EPHB1: variants seen among roughly 807,000 people sequenced by gnomAD.
EPHB1 encodes the protein EPH receptor B1.
Under a neutral mutation model 94.4 loss-of-function variants are expected in EPHB1, and 30 were observed. That is an observed-to-expected ratio of 0.32 (90% CI 0.24 to 0.43). EPHB1 has a LOEUF of 0.43. Among genes scored for constraint, EPHB1 ranks in the 20% least tolerant of loss-of-function variants. The pLI is 1.00. For missense variants in EPHB1, 1,055 were observed against 1,308.3 expected (o/e 0.81, Z 2.99); for synonymous variants, 522 against 489.1 (o/e 1.07, Z -0.89).
intron 3 of EPHB1, among the ~76,000 whole-genome samples, chr3:134,992,573 C>G (rs1015560285): frequency 6.6e-6 from 1 of 152,198 alleles, no homozygotes; most frequent in Non-Finnish European, 1.5e-5. Flanking sequence ...ACAAGGTGAT[C>G]CCTGCACAGC....
intron 9 of EPHB1, among the ~76,000 whole-genome samples, chr3:135,178,043 C>T (rs977059859): frequency 3.9e-5 from 6 of 152,270 alleles, no homozygotes; most frequent in African/African-American, 1.2e-4. Context: ...CCTCCCAAAG[C>T]TTTCAAGGAG....
At chr3:134,858,301 C>T (rs1422358199) in intron 1 of EPHB1, among the ~76,000 whole-genome samples, 2 of 152,078 alleles carry the variant, frequency 1.3e-5, no homozygotes, top group African/African-American at 4.8e-5. Flanking sequence ...CATTTTTTCC[C>T]CTGTGTGGTA....
intron 5 of EPHB1, among the ~76,000 whole-genome samples, chr3:135,133,615 A>G (rs944649161): frequency 6.6e-6 from 1 of 152,236 alleles, no homozygotes; most frequent in Non-Finnish European, 1.5e-5. Flanking sequence ...GTAGTTCAAA[A>G]GTGTATTCTC....
At chr3:135,106,690 C>T (rs1939232899) in intron 4 of EPHB1, 87 bp downstream of exon 4, 5 of 1,527,520 alleles carry the variant, frequency 3.3e-6, no homozygotes, top group Non-Finnish European at 4.5e-6. Context: ...GAGAAGACAT[C>T]ATCCTTTGAT....
chr3:135,225,268 C>G (rs1943366664), intron 12 of EPHB1, among the ~76,000 whole-genome samples: 1 of 152,178 alleles, frequency 6.6e-6, no homozygotes, highest in Admixed American at 6.5e-5. Flanking sequence ...TCTCCCAATC[C>G]TTGGGAGATA....
chr3:135,226,428 C>A (rs1943403293), intron 12 of EPHB1, among the ~76,000 whole-genome samples: 1 of 152,178 alleles, frequency 6.6e-6, no homozygotes, highest in Non-Finnish European at 1.5e-5. Context: ...ACAGACATGC[C>A]CCTGGAGATC....
chr3:135,124,081 A>T (rs1940096056), intron 4 of EPHB1, among the ~76,000 whole-genome samples: 1 of 151,454 alleles, frequency 6.6e-6, no homozygotes, highest in Admixed American at 6.6e-5. Flanking sequence ...CTTTATTATG[A>T]CCCCTCTACT....
intron 1 of EPHB1, among the ~76,000 whole-genome samples, chr3:134,833,976 C>A (rs1281593348): frequency 6.6e-6 from 1 of 152,060 alleles, no homozygotes; most frequent in Non-Finnish European, 1.5e-5. Context: ...GGCAGGGGAA[C>A]CACTAAAGGG....
At chr3:134,855,479 G>T (rs865968714) in intron 1 of EPHB1, among the ~76,000 whole-genome samples, 1 of 152,170 alleles carries the variant, frequency 6.6e-6, no homozygotes, top group East Asian at 1.9e-4. Flanking sequence ...TGTAGACAGA[G>T]CCTTGGGGTA....
Position 134,996,255 on chromosome 3 carries a change from G to A in EPHB1, c.805+44203G>A, listed in dbSNP as rs567321753. Among the ~76,000 whole-genome samples the A allele has an allele frequency of 8.5e-5, 13 of 152,230 alleles. No individual in the cohort carries two copies. In the East Asian group the frequency reaches 2.1e-3, roughly 25 times the overall value. The stretch of plus-strand genomic sequence containing the variant: ...GCCACCCAGGTGGGAGTGCAGTGGT[G>A]CAATCATGGCTCACTGCAGCCTCAT... On this transcript the variant is annotated intron_variant, in intron 3 of 15. Coordinates refer to ENST00000398015, the MANE Select transcript of EPHB1 (RefSeq NM_004441.5).
intron 1 of EPHB1, among the ~76,000 whole-genome samples, chr3:134,906,725 T>C (rs2038339512): frequency 1.3e-5 from 2 of 152,220 alleles, no homozygotes; most frequent in South Asian, 2.1e-4. Context: ...ATCATAACAC[T>C]TATCAGAGCA....
At position 134,816,014 on chromosome 3, in the gene EPHB1, C is replaced by T. The variant is rs561198759; in HGVS notation, c.58+20325C>T. Among the ~76,000 whole-genome samples the T allele has an allele frequency of 2.2e-4, 34 of 152,292 alleles. No homozygotes were observed. In the South Asian group the frequency reaches 3.9e-3, roughly 18 times the overall value. Reference sequence around the variant, plus strand: ...ACCAAAGGTAAATGCTGGGGCCACACGCCGTGTCCTCTGCACGTTGTCCTT... The same window carrying T: ...ACCAAAGGTAAATGCTGGGGCCACATGCCGTGTCCTCTGCACGTTGTCCTT... On this transcript the variant is annotated intron_variant, in intron 1 of 15. Coordinates refer to ENST00000398015, the MANE Select transcript of EPHB1 (RefSeq NM_004441.5).
intron 1 of EPHB1, among the ~76,000 whole-genome samples, chr3:134,830,780 GC>G (rs2036568021): frequency 1.3e-5 from 2 of 152,156 alleles, no homozygotes; most frequent in Admixed American, 6.5e-5. Context: ...ATGCAACCTT[GC>G]CCTCCCAGCT....
At chr3:135,075,139 T>C (rs1937864580) in intron 3 of EPHB1, among the ~76,000 whole-genome samples, 1 of 152,172 alleles carries the variant, frequency 6.6e-6, no homozygotes, top group African/African-American at 2.4e-5. Context: ...TATGAGCCTT[T>C]AAGCAGGTTG....
In EPHB1 at chr3:135,188,213, A is replaced by C. The variant is rs1388875449; in HGVS notation, c.1883-4363A>C. Among the ~76,000 whole-genome samples, 3 of 149,784 alleles carry C rather than the reference A, an allele frequency of 2.0e-5. No individual in the cohort carries two copies. In the East Asian group the frequency reaches 6.0e-4, roughly 30 times the overall value. On this transcript the variant is annotated intron_variant, in intron 10 of 15. Transcript: ENST00000398015. ...GACTGTCTAAAAAAATAAATAAATAAAGGCCAGGAGTGATGGTTCACACCT... is the reference window on the plus strand; with the variant it reads ...GACTGTCTAAAAAAATAAATAAATACAGGCCAGGAGTGATGGTTCACACCT...
chr3:135,029,814 A>C (rs1323597865), intron 3 of EPHB1, among the ~76,000 whole-genome samples: 2 of 152,008 alleles, frequency 1.3e-5, no homozygotes, highest in African/African-American at 2.4e-5. Context: ...TATCCTGCAG[A>C]GTGTTTTCCA....
rs116820183 is a variant in EPHB1 at position 135,137,005 on chromosome 3, G to A, written c.1297+3956G>A. Among the ~76,000 whole-genome samples the A allele has an allele frequency of 4.2e-4, 64 of 152,322 alleles. No individual in the cohort carries two copies. In the Middle Eastern group the frequency reaches 0.014, roughly 32 times the overall value. On this transcript the variant is annotated intron_variant, in intron 5 of 15. Transcript: ENST00000398015. ...TGGCCCCAGATTCAGACTGATGGCCGGATCATCTGGCTGTCAGAGAGAATT... is the reference window on the plus strand; with the variant it reads ...TGGCCCCAGATTCAGACTGATGGCCAGATCATCTGGCTGTCAGAGAGAATT...
intron 3 of EPHB1, among the ~76,000 whole-genome samples, chr3:135,046,231 CA>C (rs931078997): frequency 9.2e-5 from 14 of 152,214 alleles, no homozygotes; most frequent in Middle Eastern, 6.8e-3. Context: ...GCCATGAGAC[CA>C]AAAAAGTTTG....
chr3:134,812,245 A>T (rs2036192665), intron 1 of EPHB1, among the ~76,000 whole-genome samples: 1 of 152,140 alleles, frequency 6.6e-6, no homozygotes, highest in Non-Finnish European at 1.5e-5. Flanking sequence ...GATCGTTCTC[A>T]TCACCCTCAT....
Sources: gnomAD v4.1 joint callset for allele counts (sites outside exome capture counted in the v4.1 genomes callset) on GRCh38, gnomAD v4.1.1 for gene constraint, MANE v1.5 for transcripts, NCBI Gene and HGNC (gene_info 2026-07-23, HGNC 2026-07-21) for gene names.